NCKAP5: variants seen among roughly 807,000 people sequenced by gnomAD.
NCKAP5 encodes NCK associated protein 5, also known as nck-associated protein 5.
In NCKAP5, 92 loss-of-function variants were observed where a neutral mutation model predicts 167.0. The ratio of observed to expected loss-of-function variants is 0.55; its 90% CI spans 0.47 to 0.66. The LOEUF (loss-of-function observed/expected upper bound fraction) is 0.66, where lower values mean the gene tolerates loss of function less well. Among genes scored for constraint, NCKAP5 ranks in the 30% least tolerant of loss-of-function variants. The pLI, the probability that NCKAP5 is intolerant of heterozygous loss-of-function variation, is 0.00. For missense variants in NCKAP5, 2,378 were observed against 2,315.0 expected (o/e 1.03, Z -0.56); for synonymous variants, 891 against 877.4 (o/e 1.02, Z -0.27).
chr2:133,562,240 TAGAG>T (rs1443108386), intron 1 of NCKAP5, among the ~76,000 whole-genome samples: 3 of 152,064 alleles, frequency 2.0e-5, no homozygotes, highest in Non-Finnish European at 4.4e-5. Context: ...TATACACATA[TAGAG>T]AAACACATAC....
At chr2:133,251,619 A>G (rs1468587348) in intron 4 of NCKAP5, among the ~76,000 whole-genome samples, 1 of 152,226 alleles carries the variant, frequency 6.6e-6, no homozygotes, top group Non-Finnish European at 1.5e-5. Context: ...TGTAACCTAA[A>G]GCAGAGATTT....
At chr2:133,539,832 C>A (rs1686074108) in intron 2 of NCKAP5, among the ~76,000 whole-genome samples, 1 of 152,072 alleles carries the variant, frequency 6.6e-6, no homozygotes, top group Admixed American at 6.5e-5. Flanking sequence ...TAACATAGAA[C>A]AAATATCCTA....
chr2:133,212,185 C>T (rs1488349874), intron 5 of NCKAP5, among the ~76,000 whole-genome samples: 1 of 152,176 alleles, frequency 6.6e-6, no homozygotes, highest in Non-Finnish European at 1.5e-5. Flanking sequence ...TCAACTAGAA[C>T]GTCGCTGACG....
intron 11 of NCKAP5, among the ~76,000 whole-genome samples, chr2:132,856,701 G>T (rs1039252692): frequency 6.6e-6 from 1 of 152,142 alleles, no homozygotes; most frequent in Non-Finnish European, 1.5e-5. Context: ...CTTAGATGCC[G>T]CATTTCAGAA....
intron 5 of NCKAP5, among the ~76,000 whole-genome samples, chr2:133,174,799 C>T (rs551849178): frequency 7.9e-5 from 12 of 151,066 alleles, no homozygotes; most frequent in African/African-American, 2.9e-4. Flanking sequence ...TGTTTAGAAA[C>T]CAAGATTGGT....
chr2:132,938,193 C>T (rs1411182802), intron 8 of NCKAP5, among the ~76,000 whole-genome samples: 1 of 152,110 alleles, frequency 6.6e-6, no homozygotes, highest in East Asian at 1.9e-4. Context: ...CTGTTTGTCC[C>T]CAAATATCTC....
chr2:133,080,753 G>A (rs537778808), intron 6 of NCKAP5, among the ~76,000 whole-genome samples: 1 of 152,230 alleles, frequency 6.6e-6, no homozygotes, highest in South Asian at 2.1e-4. Flanking sequence ...TAATTGTGGA[G>A]TAAAGCAAAT....
chr2:133,309,481 T>C (rs1004988987), intron 3 of NCKAP5, among the ~76,000 whole-genome samples: 3 of 152,060 alleles, frequency 2.0e-5, no homozygotes, highest in African/African-American at 7.2e-5. Context: ...GGGCTGAAGG[T>C]GGGGGGCACC....
chr2:133,455,582 C>T (rs144876729), intron 3 of NCKAP5, among the ~76,000 whole-genome samples: 25 of 151,918 alleles, frequency 1.6e-4, no homozygotes, highest in Admixed American at 2.6e-4. Context: ...TTTTTTCTTT[C>T]GTATGTTTTT....
chr2:133,535,003 C>CT (rs1041678566), intron 2 of NCKAP5, among the ~76,000 whole-genome samples: 1 of 152,112 alleles, frequency 6.6e-6, no homozygotes, highest in African/African-American at 2.4e-5. Context: ...TGCCCACCTT[C>CT]TTTTTTTAAC....
intron 7 of NCKAP5, among the ~76,000 whole-genome samples, chr2:132,971,376 G>A (rs1018826270): frequency 6.6e-6 from 1 of 152,192 alleles, no homozygotes; most frequent in African/African-American, 2.4e-5. Context: ...TCTCTGGGGA[G>A]GGAGATGAGG....
At chr2:133,189,272 T>C (rs1268717880) in intron 5 of NCKAP5, among the ~76,000 whole-genome samples, 1 of 151,994 alleles carries the variant, frequency 6.6e-6, no homozygotes, top group Non-Finnish European at 1.5e-5. Context: ...TAACAGGCTC[T>C]GAAATTGAGG....
intron 19 of NCKAP5, among the ~76,000 whole-genome samples, chr2:132,700,266 C>T (rs1009640087): frequency 3.9e-5 from 6 of 152,186 alleles, no homozygotes; most frequent in Non-Finnish European, 7.3e-5. Flanking sequence ...TTCTCCCATT[C>T]TGTAGGTTGC....
At chr2:132,937,875 C>T (rs1193171813) in intron 8 of NCKAP5, among the ~76,000 whole-genome samples, 1 of 152,172 alleles carries the variant, frequency 6.6e-6, no homozygotes, top group Non-Finnish European at 1.5e-5. Context: ...CAGGAAATGC[C>T]AGGTTTCAGA....
chr2:133,431,019 C>CAG (rs1408903436), intron 3 of NCKAP5, among the ~76,000 whole-genome samples: 4 of 151,824 alleles, frequency 2.6e-5, no homozygotes, highest in Admixed American at 6.6e-5. Context: ...AAAAGAAAGA[C>CAG]AGAGAGAGAG....
intron 8 of NCKAP5, among the ~76,000 whole-genome samples, chr2:132,958,070 T>C (rs533385555): frequency 6.6e-6 from 1 of 152,318 alleles, no homozygotes; most frequent in Admixed American, 6.5e-5. Context: ...TACCAATCAG[T>C]TGGCCTTATG....
intron 11 of NCKAP5, among the ~76,000 whole-genome samples, chr2:132,837,759 C>T (rs1055342518): frequency 2.0e-5 from 3 of 152,160 alleles, no homozygotes; most frequent in Admixed American, 2.0e-4. Flanking sequence ...AGAAGGCCTC[C>T]GTGCATGGAC....
chr2:133,516,072 A>G (rs1683962269), intron 3 of NCKAP5, among the ~76,000 whole-genome samples: 1 of 152,214 alleles, frequency 6.6e-6, no homozygotes, highest in Non-Finnish European at 1.5e-5. Context: ...CTGGGTTAAG[A>G]GAATCTTTCT....
chr2:133,245,408 A>G (rs897110369), intron 4 of NCKAP5, among the ~76,000 whole-genome samples: 2 of 152,222 alleles, frequency 1.3e-5, no homozygotes, highest in African/African-American at 2.4e-5. Context: ...TTCTATTTGT[A>G]TTGAATTATT....
Sources: gnomAD v4.1 joint callset for allele counts (sites outside exome capture counted in the v4.1 genomes callset) on GRCh38, gnomAD v4.1.1 for gene constraint, MANE v1.5 for transcripts, NCBI Gene and HGNC (gene_info 2026-07-23, HGNC 2026-07-21) for gene names.